The following TENM3 variants were observed in gnomAD, a reference collection of about 807,000 sequenced individuals.
The protein encoded by TENM3 is teneurin transmembrane protein 3.
In TENM3, 63 loss-of-function variants were observed where a neutral mutation model predicts 255.1. The observed-to-expected ratio is 0.25, with a 90% CI of 0.20 to 0.30. The LOEUF (loss-of-function observed/expected upper bound fraction) is 0.30, where lower values mean the gene tolerates loss of function less well. Among genes scored for constraint, TENM3 ranks in the 10% least tolerant of loss-of-function variants. TENM3 has a pLI of 1.00. For synonymous variants in TENM3, 1,306 were observed against 1,322.3 expected (o/e 0.99, Z 0.27); for missense variants, 2,929 against 3,461.1 (o/e 0.85, Z 3.86).
the TENM3 span, among the ~76,000 whole-genome samples, chr4:182,069,385 GCCT>G: frequency 6.6e-6 from 1 of 151,958 alleles, no homozygotes; most frequent in African/African-American, 2.4e-5. Flanking sequence ...TCTTCCTTGG[GCCT>G]CATTTTGCTC....
the TENM3 span, among the ~76,000 whole-genome samples, chr4:181,637,434 A>T: frequency 1.3e-5 from 2 of 152,308 alleles, no homozygotes; most frequent in African/African-American, 4.8e-5. Context: ...TCCTTAAGCC[A>T]GAAAATGACA....
At chr4:181,639,891 A>G in the TENM3 span, among the ~76,000 whole-genome samples, 3 of 152,210 alleles carry the variant, frequency 2.0e-5, no homozygotes, top group Non-Finnish European at 4.4e-5. Flanking sequence ...AGGGCTGCAC[A>G]GCCCCTGCGT....
At chr4:181,689,915 C>A in the TENM3 span, among the ~76,000 whole-genome samples, 3 of 151,838 alleles carry the variant, frequency 2.0e-5, no homozygotes, top group African/African-American at 7.3e-5. Context: ...AGTATATACA[C>A]GTAAAAAGTT....
chr4:182,589,523 A>C (rs117863974), intron 3 of TENM3, among the ~76,000 whole-genome samples: 1 of 149,052 alleles, frequency 6.7e-6, no homozygotes, highest in Non-Finnish European at 1.5e-5. Context: ...ACTTACCCCA[A>C]GTTTGGGGAA....
the TENM3 span, among the ~76,000 whole-genome samples, chr4:181,516,114 G>A: frequency 2.0e-5 from 3 of 152,114 alleles, no homozygotes; most frequent in African/African-American, 7.2e-5. Context: ...AACAGAAAAC[G>A]AAACACTGCA....
chr4:181,857,126 G>A, the TENM3 span, among the ~76,000 whole-genome samples: 1 of 152,070 alleles, frequency 6.6e-6, no homozygotes, highest in African/African-American at 2.4e-5. Flanking sequence ...ATACCAGTAG[G>A]GAATATTTTT....
intron 1 of TENM3, among the ~76,000 whole-genome samples, chr4:182,257,622 A>G (rs1758496027): frequency 6.6e-6 from 1 of 152,178 alleles, no homozygotes; most frequent in South Asian, 2.1e-4. Flanking sequence ...ACTTGCAGAA[A>G]CCTGAGGCAA....
the TENM3 span, among the ~76,000 whole-genome samples, chr4:181,796,545 G>A: frequency 2.0e-5 from 3 of 152,176 alleles, no homozygotes; most frequent in Non-Finnish European, 4.4e-5. Context: ...CCAGGGTTAT[G>A]CCAGAGGCAG....
the TENM3 span, among the ~76,000 whole-genome samples, chr4:181,944,014 G>A: frequency 2.0e-5 from 3 of 152,236 alleles, no homozygotes; most frequent in Non-Finnish European, 2.9e-5. Flanking sequence ...CCACAGAACT[G>A]GTTTTGTCCA....
intron 14 of TENM3, among the ~76,000 whole-genome samples, chr4:182,729,607 G>T (rs2152709198): frequency 6.6e-6 from 1 of 152,220 alleles, no homozygotes; most frequent in East Asian, 1.9e-4. Context: ...TAAGCTGTTT[G>T]ACTGGTGCTT....
At chr4:182,360,766 G>A (rs1380012440) in intron 3 of TENM3, among the ~76,000 whole-genome samples, 1 of 151,974 alleles carries the variant, frequency 6.6e-6, no homozygotes, top group East Asian at 1.9e-4. Flanking sequence ...CTGTCATTAT[G>A]ATGTTAGCTG....
At chr4:182,282,649 T>C (rs998262063) in intron 1 of TENM3, among the ~76,000 whole-genome samples, 2 of 152,068 alleles carry the variant, frequency 1.3e-5, no homozygotes, top group Admixed American at 1.3e-4. Context: ...TCCCAGCACT[T>C]TGGGAGGCCT....
the TENM3 span, among the ~76,000 whole-genome samples, chr4:181,661,782 A>C: frequency 5.9e-5 from 9 of 151,872 alleles, no homozygotes; most frequent in Admixed American, 5.9e-4. Context: ...CTTTCTTTTA[A>C]TAAGTCAATA....
chr4:181,456,466 A>G, the TENM3 span, among the ~76,000 whole-genome samples: 5 of 151,968 alleles, frequency 3.3e-5, no homozygotes, highest in Non-Finnish European at 5.9e-5. Context: ...TACTAAAACA[A>G]CTTTTGTCAA....
At chr4:182,543,504 C>T (rs191831842) in intron 3 of TENM3, among the ~76,000 whole-genome samples, 10 of 152,244 alleles carry the variant, frequency 6.6e-5, no homozygotes, top group Admixed American at 2.6e-4. Context: ...AATGGGCGAG[C>T]ACAAGGAGAC....
the TENM3 span, among the ~76,000 whole-genome samples, chr4:181,500,587 T>C: frequency 5.9e-5 from 9 of 152,190 alleles, no homozygotes; most frequent in Non-Finnish European, 4.4e-5. Flanking sequence ...CAAATGTTTA[T>C]TGTTTATTAC....
chr4:182,196,023 A>G lies in TENM3; in HGVS notation c.-76+51269A>G, dbSNP rs561323295. ...ATTAACTGCCCTAGAAAGAGAACTT[A>G]TCTTGGATTGAGCTTCAGAAAGGAG... On this transcript the variant is annotated intron_variant, in intron 1 of 2. Coordinates refer to the TENM3 transcript ENST00000512480. 3.9e-5 allele frequency among the ~76,000 whole-genome samples: 6 copies of G among 152,152 alleles called. No individual in the cohort carries two copies. In the South Asian group the frequency reaches 1.0e-3, roughly 26 times the overall value.
upstream of TENM3, among the ~76,000 whole-genome samples, chr4:182,241,166 C>T (rs561950320): frequency 6.6e-6 from 1 of 152,286 alleles, no homozygotes; most frequent in Non-Finnish European, 1.5e-5. Flanking sequence ...ATCGTTATAG[C>T]TTCTCTCTGG....
the TENM3 span, among the ~76,000 whole-genome samples, chr4:181,475,508 C>T: frequency 6.6e-6 from 1 of 152,128 alleles, no homozygotes; most frequent in Non-Finnish European, 1.5e-5. Flanking sequence ...GACACATTAA[C>T]GATGAGAGGG....
Sources: gnomAD v4.1 joint callset for allele counts (sites outside exome capture counted in the v4.1 genomes callset) on GRCh38, gnomAD v4.1.1 for gene constraint, MANE v1.5 for transcripts, NCBI Gene and HGNC (gene_info 2026-07-23, HGNC 2026-07-21) for gene names.